The following SLC15A1 variants were observed in gnomAD, a reference collection of about 807,000 sequenced individuals.
SLC15A1 encodes the protein Caco-2 oligopeptide transporter.
Under a neutral mutation model 92.9 loss-of-function variants are expected in SLC15A1, and 83 were observed. The observed-to-expected ratio is 0.89, with a 90% CI of 0.75 to 1.07. SLC15A1 has a LOEUF of 1.07. Among genes scored for constraint, SLC15A1 ranks in the 50% least tolerant of loss-of-function variants. The pLI is 0.00. For synonymous variants in SLC15A1, 322 were observed against 318.2 expected, an observed-to-expected ratio of 1.01 and a Z score of -0.13; for missense variants, 857 against 880.1, an observed-to-expected ratio of 0.97 and a Z score of 0.33.
chr13:98,730,127 C>T (rs1398947403), intron 1 of SLC15A1, among the ~76,000 whole-genome samples: 1 of 150,650 alleles, frequency 6.6e-6, no homozygotes, highest in Non-Finnish European at 1.5e-5. Context: ...GCTTGGGAGG[C>T]GGAGGATGCA....
Position 98,721,905 on chromosome 13 carries a change from T to C in SLC15A1, c.366-2A>G. The C allele has an allele frequency of 1.9e-6, 3 of 1,611,698 alleles. No individual in the cohort carries two copies. The highest frequency in any genetic ancestry group is 1.7e-5 in the Admixed American group (1 of 59,792). ...GCCAGGCCGATCAAGGACAGCACCC[T>C]GGGAAAGACAGGGTGTTAGGGCCAA... On this transcript the variant is annotated splice_acceptor_variant, in intron 5 of 22. Coordinates refer to ENST00000376503, the MANE Select transcript of SLC15A1 (RefSeq NM_005073.4). LOFTEE classifies it high-confidence loss of function.
chr13:98,710,230 C>T (rs538157057), intron 11 of SLC15A1, among the ~76,000 whole-genome samples: 3 of 152,250 alleles, frequency 2.0e-5, no homozygotes, highest in Admixed American at 1.3e-4. Flanking sequence ...AGCATGGCAT[C>T]GTCTGCAAGG....
Position 98,684,821 on chromosome 13 carries a change from T to C in SLC15A1, c.2030A>G (p.Glu677Gly), listed in dbSNP as rs527441718. The C allele has an allele frequency of 1.2e-4, 198 of 1,614,122 alleles. 7 individuals carry two copies. In the South Asian group the frequency reaches 2.2e-3, roughly 18 times the overall value. The change falls in exon 23 of 23, where the codon GAG becomes GGG. Residue 677 changes from glutamate to glycine, a missense_variant. By Grantham distance (98) the Glu-to-Gly change is moderately conservative. Coordinates refer to ENST00000376503, the MANE Select transcript of SLC15A1 (RefSeq NM_005073.4). ...ARFYTYINPA[E>G]IEAQFDEDEK... ...ATCCTCATCAAATTGAGCTTCGATC[T>C]CCGCTGGGTTGATGTAAGTATAGAA...
At chr13:98,708,973 T>TC (rs2088138205) in intron 14 of SLC15A1, among the ~76,000 whole-genome samples, 1 of 150,420 alleles carries the variant, frequency 6.6e-6, no homozygotes, top group African/African-American at 2.4e-5. Context: ...TTTACTTTTT[T>TC]TTTTTTTTTT....
chr13:98,712,079 AACAT>A, intron 10 of SLC15A1, 136 bp from the exon 11 acceptor site: 1 of 643,906 alleles, frequency 1.6e-6, no homozygotes, highest in Non-Finnish European at 2.8e-6. Context: ...ATTAATCCAA[AACAT>A]ACTGCCGCAG....
At position 98,726,875 on chromosome 13, in the gene SLC15A1, A is replaced by C. The variant is rs758955919; in HGVS notation, c.5-16T>G. On this transcript the variant is annotated splice_polypyrimidine_tract_variant and intron_variant, in intron 1 of 22. Transcript: ENST00000376503. ...TTGGACATTCCTAAAAGAAAAACAG[A>C]ATCCCAATATTAAAGTCAAGCCATT... is the stretch of plus-strand genomic sequence containing the variant. 1.2e-6 allele frequency: 2 copies of C among 1,613,034 alleles called. No individual in the cohort carries two copies. The highest frequency in any genetic ancestry group is 8.5e-7 in the Non-Finnish European group (1 of 1,178,960).
At chr13:98,689,257 A>G (rs753801564) in intron 18 of SLC15A1, among the ~76,000 whole-genome samples, 1 of 152,084 alleles carries the variant, frequency 6.6e-6, no homozygotes, top group Non-Finnish European at 1.5e-5. Context: ...TTAGCGCTCA[A>G]GTAGTGAAAG....
chr13:98,688,719 C>A, intron 18 of SLC15A1, 142 bp from the exon 19 acceptor site: 1 of 654,504 alleles, frequency 1.5e-6, no homozygotes, highest in Non-Finnish European at 2.6e-6. Flanking sequence ...AGAATAAAGA[C>A]AAAAAGTGAA....
At chr13:98,743,426 A>T (rs2088465260) in intron 1 of SLC15A1, among the ~76,000 whole-genome samples, 1 of 152,184 alleles carries the variant, frequency 6.6e-6, no homozygotes, top group Non-Finnish European at 1.5e-5. Flanking sequence ...ACAGGCATGA[A>T]TCTTTGAACG....
At chr13:98,750,671 G>A (rs1340068232) in intron 1 of SLC15A1, among the ~76,000 whole-genome samples, 4 of 151,888 alleles carry the variant, frequency 2.6e-5, no homozygotes, top group African/African-American at 9.7e-5. Flanking sequence ...CCCCTGCCTC[G>A]TTCGCCAACT....
At chr13:98,749,028 T>A (rs1485371958) in intron 1 of SLC15A1, among the ~76,000 whole-genome samples, 1 of 152,226 alleles carries the variant, frequency 6.6e-6, no homozygotes, top group East Asian at 1.9e-4. Context: ...TGTTAGAAGT[T>A]CTCTTTTCTT....
At chr13:98,712,016 G>A in intron 10 of SLC15A1, 73 bp from the exon 11 acceptor site, 1 of 1,099,508 alleles carries the variant, frequency 9.1e-7, no homozygotes, top group Non-Finnish European at 1.4e-6. Context: ...TACAGGTGCT[G>A]CTGATTTCAG....
At chr13:98,742,598 G>T (rs541708611) in intron 1 of SLC15A1, among the ~76,000 whole-genome samples, 1 of 150,368 alleles carries the variant, frequency 6.7e-6, no homozygotes, top group Non-Finnish European at 1.5e-5. Context: ...CGGCAGGGTT[G>T]GGTCCTTCAG....
intron 7 of SLC15A1, chr13:98,720,519 A>G (rs574063108): frequency 6.5e-6 from 1 of 153,240 alleles, no homozygotes; most frequent in East Asian, 1.9e-4. Context: ...GCTGTGGAAG[A>G]ATACATAAAT....
At chr13:98,709,383 G>T (rs923610573) in intron 14 of SLC15A1, among the ~76,000 whole-genome samples, 189 bp downstream of exon 14, 3 of 152,228 alleles carry the variant, frequency 2.0e-5, no homozygotes, top group African/African-American at 7.2e-5. Flanking sequence ...TTTTCAGGCT[G>T]TCAATCACAG....
chr13:98,710,842 C>T (rs2088156469), intron 11 of SLC15A1, among the ~76,000 whole-genome samples: 1 of 151,282 alleles, frequency 6.6e-6, no homozygotes, highest in Admixed American at 6.6e-5. Context: ...AGAAATCTAC[C>T]CCTGTTTGAG....
chr13:98,684,676 GTCA>G lies in SLC15A1; in HGVS notation c.*45_*47del, dbSNP rs1240902454. ...AGTGTCCTGCTACCTGGGGGCAGAG[GTCA>G]GGGCATCTGCGGGCCCAGTCCATCC... On this transcript the variant is annotated 3_prime_UTR_variant, in exon 23 of 23. Coordinates refer to ENST00000376503, the MANE Select transcript of SLC15A1 (RefSeq NM_005073.4). The G allele has an allele frequency of 3.2e-6, 5 of 1,544,394 alleles. No homozygotes were observed. The highest frequency in any genetic ancestry group is 2.7e-5 in the African/African-American group (2 of 73,760).
At position 98,704,291 on chromosome 13, in the gene SLC15A1, C is replaced by G; in HGVS notation, c.1414G>C (p.Val472Leu). 1 of 1,605,168 alleles carries G rather than the reference C, an allele frequency of 6.2e-7. No individual in the cohort carries two copies. Residue 472 changes from valine to leucine, a missense_variant and splice_region_variant, in exon 17 of 23, where the codon GTG becomes CTG. Transcript: ENST00000376503. ...LLVWAPNHYQ[V>L]VKDGLNQKPE... ...GCTGTAGGTCTTCACACACTTACCACCTGGTAGTGATTGGGGGCCCACACT... is the reference window on the plus strand; with the variant it reads ...GCTGTAGGTCTTCACACACTTACCAGCTGGTAGTGATTGGGGGCCCACACT...
intron 18 of SLC15A1, among the ~76,000 whole-genome samples, chr13:98,689,378 G>A (rs2087957888): frequency 6.6e-6 from 1 of 152,186 alleles, no homozygotes; most frequent in South Asian, 2.1e-4. Flanking sequence ...ACCTCTAGGA[G>A]CCTCAGGTGG....
Sources: allele counts gnomAD v4.1 joint callset (sites outside exome capture counted in the v4.1 genomes callset), GRCh38; gene constraint gnomAD v4.1.1; transcripts MANE v1.5; gene names NCBI Gene and HGNC (gene_info 2026-07-23, HGNC 2026-07-21).